The following NRL variants were observed in gnomAD, a reference collection of about 807,000 sequenced individuals.
The protein encoded by NRL is neural retina leucine zipper.
In NRL, 16 loss-of-function variants were observed where a neutral mutation model predicts 12.5. That is an observed-to-expected ratio of 1.28 (90% CI 0.87 to 1.95). NRL has a LOEUF of 1.95. Among genes scored for constraint, NRL ranks in the 30% most tolerant of loss-of-function variants. The pLI, the probability that NRL is intolerant of heterozygous loss-of-function variation, is 0.00. For synonymous variants in NRL, 142 were observed against 150.9 expected, an observed-to-expected ratio of 0.94 and a Z score of 0.43; for missense variants, 314 against 325.8, an observed-to-expected ratio of 0.96 and a Z score of 0.28.
rs753333969 is a variant in NRL, at chr14:24,103,239, TGCA to T, written c.-28+11480_-28+11482del. 12 of 1,613,648 alleles carry T rather than the reference TGCA, an allele frequency of 7.4e-6. No individual in the cohort carries two copies. In the African/African-American group the frequency reaches 1.6e-4, roughly 22 times the overall value. ...GCGCCATGCGCTCTGAGTCCACTGCTGCAGCAGAACACAAAGGTGAGCACCCTC... is the reference window on the plus strand; with the variant it reads ...GCGCCATGCGCTCTGAGTCCACTGCTGCAGAACACAAAGGTGAGCACCCTC... On this transcript the variant is annotated intron_variant, in intron 1 of 2. Coordinates refer to ENST00000561028, the MANE Select transcript of NRL (RefSeq NM_001354768.3).
Position 24,081,117 on chromosome 14 carries a change from T to C in NRL, c.*119A>G, listed in dbSNP as rs1292412044. On this transcript the variant is annotated 3_prime_UTR_variant, in exon 3 of 3. Transcript: ENST00000561028. This position sits in a 1 kb window ranked among gnomAD's most constrained non-coding sequence, Gnocchi z 4.4. ...AGCTTTGGGGATATTTGCGCGGTCATACAGGGCGTGGCTAGGACCAGAAGG... is the reference window on the plus strand; with the variant it reads ...AGCTTTGGGGATATTTGCGCGGTCACACAGGGCGTGGCTAGGACCAGAAGG... The C allele has an allele frequency of 3.2e-6, 2 of 628,926 alleles. No homozygotes were observed. Among genetic ancestry groups the C allele is most frequent in the South Asian group, 5.7e-5 (1 of 17,678 alleles). The allele number at this position is 628,926 out of a possible 1,614,324, so 39.0% of individuals were successfully genotyped here.
chr14:24,093,955 A>C (rs1015132538), intron 1 of NRL: 24 of 495,932 alleles, frequency 4.8e-5, no homozygotes, highest in Admixed American at 4.1e-4. Flanking sequence ...TGGCCCCTGT[A>C]GTCTCCCGCC....
At chr14:24,102,854 A>G (rs1594310413) in intron 1 of NRL, 1 of 1,613,794 alleles carries the variant, frequency 6.2e-7, no homozygotes, top group African/African-American at 1.3e-5. Flanking sequence ...GGGTGTCCCC[A>G]TTGACGCCAT....
rs921354578 is a variant in NRL, at chr14:24,094,850, G to A, written c.-27-11975C>T. On this transcript the variant is annotated intron_variant, in intron 1 of 2. Coordinates refer to ENST00000561028, the MANE Select transcript of NRL (RefSeq NM_001354768.3). This position sits in a 1 kb window ranked among gnomAD's most constrained non-coding sequence, Gnocchi z 4.1. ...AGCAGGGCCCTGGGGACAAGGGTACGTGAGCCCCGGGAGACTAAGCTCAGA... is the reference window on the plus strand; with the variant it reads ...AGCAGGGCCCTGGGGACAAGGGTACATGAGCCCCGGGAGACTAAGCTCAGA... The A allele has an allele frequency of 1.4e-5, 18 of 1,307,750 alleles. No individual in the cohort carries two copies. Among genetic ancestry groups the A allele is most frequent in the Non-Finnish European group, 1.8e-5 (18 of 1,000,860 alleles). 81.0% of individuals were successfully genotyped at this position (1,307,750 alleles called of 1,614,324 possible).
chr14:24,082,992 G>A lies in NRL; in HGVS notation c.-27-117C>T. 3.1e-6 allele frequency: 3 copies of A among 975,610 alleles called. No individual in the cohort carries two copies. In the Admixed American group the frequency reaches 8.1e-5, roughly 26 times the overall value. 60.4% of individuals were successfully genotyped at this position (975,610 alleles called of 1,614,324 possible). ...GGAGCAAGAGTTTGGGAAAGCCAGAGGGATGGTGCAGCTCTGTTCACTGCA... is the reference window on the plus strand; with the variant it reads ...GGAGCAAGAGTTTGGGAAAGCCAGAAGGATGGTGCAGCTCTGTTCACTGCA... On this transcript the variant is annotated intron_variant, in intron 1 of 2. Transcript: ENST00000561028.
Position 24,101,952 on chromosome 14 carries a change from G to A in NRL, c.-28+12770C>T, listed in dbSNP as rs191949003. On this transcript the variant is annotated intron_variant, in intron 1 of 2. Transcript: ENST00000561028. ...TTAAGTAAATAAAATCAGGCCAGGCGCAGTGGCTCATGCCTGTAATCCTAC... is the reference window on the plus strand; with the variant it reads ...TTAAGTAAATAAAATCAGGCCAGGCACAGTGGCTCATGCCTGTAATCCTAC... Among the ~76,000 whole-genome samples the A allele has an allele frequency of 6.2e-3, 942 of 152,064 alleles. 6 individuals are homozygous for A. The highest frequency in any genetic ancestry group is 0.022 in the African/African-American group (900 of 41,464).
rs867983380 is a variant in NRL, at chr14:24,106,584, G to A, written c.-28+8138C>T. The stretch of plus-strand genomic sequence containing the variant: ...AAAAATACAAAAATTAGCCAGGCAT[G>A]GTGGCCCATGCCTGTAATTCCAGCT... On this transcript the variant is annotated intron_variant, in intron 1 of 2. Transcript: ENST00000561028. Among the ~76,000 whole-genome samples the A allele has an allele frequency of 3.3e-5, 5 of 152,174 alleles. No homozygotes were observed. In the East Asian group the frequency reaches 9.6e-4, roughly 29 times the overall value.
chr14:24,107,197 A>G (rs1452486875), intron 1 of NRL, among the ~76,000 whole-genome samples: 1 of 152,232 alleles, frequency 6.6e-6, no homozygotes, highest in Non-Finnish European at 1.5e-5. Context: ...CCTTTCTGGT[A>G]TCTTCTAAAT....
rs542065340 is a variant in NRL at position 24,099,591 on chromosome 14, C to T, written c.-28+15131G>A. On this transcript the variant is annotated intron_variant, in intron 1 of 2. Transcript: ENST00000561028. Reference sequence around the variant, plus strand: ...CATCACCAGCCCTGCAGGGAAGAAGCGCTATGTGGCAGCCGCCTTCCCTAG... The same window carrying T: ...CATCACCAGCCCTGCAGGGAAGAAGTGCTATGTGGCAGCCGCCTTCCCTAG... 10 of 1,608,670 alleles carry T rather than the reference C, an allele frequency of 6.2e-6. No homozygotes were observed. Among genetic ancestry groups the T allele is most frequent in the Middle Eastern group, 3.3e-4 (2 of 6,044 alleles).
chr14:24,112,298 C>CT (rs2037433132), intron 1 of NRL, among the ~76,000 whole-genome samples: 1 of 145,174 alleles, frequency 6.9e-6, no homozygotes, highest in African/African-American at 2.6e-5. Context: ...CTAAAATTCT[C>CT]TTTTTTGGTT....
Position 24,079,887 on chromosome 14 carries a change from G to A in NRL, c.*1349C>T, listed in dbSNP as rs1315118295. On this transcript the variant is annotated 3_prime_UTR_variant, in exon 3 of 3. Transcript: ENST00000561028. ...ACCTGGATAGCCACTGACAGGCCGA[G>A]CTGGGCCACTGAGGCTTCTGAGTTT... Among the ~76,000 whole-genome samples the A allele has an allele frequency of 6.6e-6, 1 of 152,192 alleles. No individual in the cohort carries two copies. The highest frequency in any genetic ancestry group is 1.5e-5 in the Non-Finnish European group (1 of 68,038).
chr14:24,110,145 G>A (rs1055839073), intron 1 of NRL: 1 of 155,702 alleles, frequency 6.4e-6, no homozygotes, highest in African/African-American at 2.4e-5. Flanking sequence ...TTGAGACGGG[G>A]TCTCATTCTC....
rs1166023082 is a variant in NRL, at chr14:24,094,560, G to A, written c.-27-11685C>T. 3.5e-6 allele frequency: 5 copies of A among 1,441,042 alleles called. No individual in the cohort carries two copies. In the African/African-American group the frequency reaches 5.7e-5, roughly 17 times the overall value. 89.3% of individuals were successfully genotyped at this position (1,441,042 alleles called of 1,614,324 possible). A position where few individuals can be genotyped will look rare whatever the true frequency, so the allele number is the denominator to read the frequency against. On this transcript the variant is annotated intron_variant, in intron 1 of 2. Transcript: ENST00000561028. This position sits in a 1 kb window ranked among gnomAD's most constrained non-coding sequence, Gnocchi z 4.1. Reference sequence around the variant, plus strand: ...CCCATCCTAGGCGGAGGCGGGCAGGGGCGACTGCTGTGGGTCCAGCCTCCC... The same window carrying A: ...CCCATCCTAGGCGGAGGCGGGCAGGAGCGACTGCTGTGGGTCCAGCCTCCC...
At chr14:24,102,386 C>T (rs116558989) in intron 1 of NRL, among the ~76,000 whole-genome samples, 1 of 152,202 alleles carries the variant, frequency 6.6e-6, no homozygotes, top group Non-Finnish European at 1.5e-5. Context: ...AATAATCTCA[C>T]AAATAATGAA....
At chr14:24,095,295 G>C (rs2036819195) in intron 1 of NRL, 1 of 451,672 alleles carries the variant, frequency 2.2e-6, no homozygotes, top group African/African-American at 2.0e-5. Context: ...CCAGGCTCCA[G>C]GGAGAGAGAG....
intron 1 of NRL, among the ~76,000 whole-genome samples, chr14:24,088,019 C>A (rs1439091286): frequency 6.6e-6 from 1 of 152,024 alleles, no homozygotes; most frequent in African/African-American, 2.4e-5. Context: ...CAGAAAGAAA[C>A]CCTGTCTCAA....
chr14:24,111,917 T>A (rs2037426753), intron 1 of NRL, among the ~76,000 whole-genome samples: 1 of 111,894 alleles, frequency 8.9e-6, no homozygotes, highest in South Asian at 3.4e-4. Flanking sequence ...CTTGTGCCAG[T>A]TTTCAAAGGG....
chr14:24,086,146 G>A (rs1302352079), intron 1 of NRL, among the ~76,000 whole-genome samples: 5 of 152,256 alleles, frequency 3.3e-5, no homozygotes, highest in East Asian at 1.9e-4. Context: ...CCTGGGAGGC[G>A]GAGGTTGCAG....
At position 24,097,270 on chromosome 14, in the gene NRL, G is replaced by A. The variant is rs2036928725; in HGVS notation, c.-27-14395C>T. 8.5e-6 allele frequency: 7 copies of A among 827,376 alleles called. No individual in the cohort carries two copies. In the South Asian group the frequency reaches 1.2e-4, roughly 14 times the overall value. The allele number at this position is 827,376 out of a possible 1,614,324, so 51.3% of individuals were successfully genotyped here. On this transcript the variant is annotated intron_variant, in intron 1 of 2. Coordinates refer to ENST00000561028, the MANE Select transcript of NRL (RefSeq NM_001354768.3). ...GAGAGCTTTGGGGTAAACAGACCCAGAAACTGGGATTTGCTTACGCCTATA... is the reference window on the plus strand; with the variant it reads ...GAGAGCTTTGGGGTAAACAGACCCAAAAACTGGGATTTGCTTACGCCTATA...
Sources: allele counts gnomAD v4.1 joint callset (sites outside exome capture counted in the v4.1 genomes callset), GRCh38; gene constraint gnomAD v4.1.1; non-coding constraint Gnocchi (gnomAD v3.1); transcripts MANE v1.5; gene names NCBI Gene and HGNC (gene_info 2026-07-23, HGNC 2026-07-21).